Variants in NEK11 observed in about 807,000 individuals in gnomAD.
NEK11 encodes the protein serine/threonine-protein kinase Nek11.
In NEK11, 72 loss-of-function variants were observed where a neutral mutation model predicts 80.7. That is an observed-to-expected ratio of 0.89 (90% CI 0.74 to 1.08). NEK11 has a LOEUF of 1.08. NEK11 is among the 50% of genes least tolerant of loss of function. The pLI is 0.00. For synonymous variants in NEK11, 251 were observed against 260.7 expected (o/e 0.96, Z 0.36); for missense variants, 764 against 763.6 (o/e 1.00, Z -0.01).
intron 14 of NEK11, among the ~76,000 whole-genome samples, chr3:131,195,692 A>G (rs545204591): frequency 1.4e-4 from 22 of 151,816 alleles, no homozygotes; most frequent in Admixed American, 3.3e-4. Context: ...GAGTTGTACC[A>G]TGAGTTGATG....
rs139619750 is a variant in NEK11 at position 131,108,822 on chromosome 3, G to A, written c.337-981G>A. ...TTCCTTAGGGTTTTGCTATAGCTAC[G>A]TAGAGGAAAGGAGAATTCAGTCATC... On this transcript the variant is annotated intron_variant, in intron 4 of 17. Transcript: ENST00000383366. 2.3e-3 allele frequency among the ~76,000 whole-genome samples: 345 copies of A among 152,110 alleles called. 1 individual carries two copies. The highest frequency in any genetic ancestry group is 2.2e-3 in the Non-Finnish European group (151 of 67,960).
intron 3 of NEK11, among the ~76,000 whole-genome samples, chr3:131,036,685 C>T (rs1184580713): frequency 6.6e-6 from 1 of 152,178 alleles, no homozygotes; most frequent in African/African-American, 2.4e-5. Context: ...TGTTGAGCAT[C>T]AGAGTTGTCT....
intron 3 of NEK11, among the ~76,000 whole-genome samples, chr3:131,059,544 G>A (rs368544103): frequency 6.6e-6 from 1 of 152,148 alleles, no homozygotes; most frequent in African/African-American, 2.4e-5. Context: ...CCCTTTAAAT[G>A]TACAGATATG....
Position 131,239,152 on chromosome 3 carries a change from G to A in NEK11, c.1561-4284G>A, listed in dbSNP as rs558341775. On this transcript the variant is annotated intron_variant, in intron 15 of 17. Coordinates refer to ENST00000383366, the MANE Select transcript of NEK11 (RefSeq NM_024800.5). ...TGGGTCCAGAGTGACTCTGGGTGAGGAGGGAAGAGGAAGAGGGTTTTGCAT... is the reference window on the plus strand; with the variant it reads ...TGGGTCCAGAGTGACTCTGGGTGAGAAGGGAAGAGGAAGAGGGTTTTGCAT... Among the ~76,000 whole-genome samples, 3 of 152,108 alleles carry A rather than the reference G, an allele frequency of 2.0e-5. No individual in the cohort carries two copies. The South Asian group carries it at 6.2e-4, about 32-fold the overall frequency.
At chr3:131,071,612 T>G (rs879320427) in intron 3 of NEK11, among the ~76,000 whole-genome samples, 3 of 151,976 alleles carry the variant, frequency 2.0e-5, no homozygotes, top group Non-Finnish European at 4.4e-5. Flanking sequence ...TTAAAAAATT[T>G]TATATAAAAT....
intron 14 of NEK11, among the ~76,000 whole-genome samples, chr3:131,215,292 AG>A (rs995060364): frequency 1.1e-5 from 1 of 89,720 alleles, no homozygotes; most frequent in Non-Finnish European, 2.2e-5. Context: ...GGGAGGGGGA[AG>A]GGATAGCATT....
At chr3:131,264,090 T>G (rs1406874405) in intron 16 of NEK11, among the ~76,000 whole-genome samples, 3 of 152,248 alleles carry the variant, frequency 2.0e-5, no homozygotes, top group Non-Finnish European at 4.4e-5. Context: ...TTTGTTTAAG[T>G]TCTTTGTAGA....
intron 14 of NEK11, among the ~76,000 whole-genome samples, chr3:131,222,116 A>G (rs889621695): frequency 2.0e-5 from 3 of 152,176 alleles, no homozygotes. Context: ...TTTCAGAGCT[A>G]CAAGAAAGAT....
intron 15 of NEK11, among the ~76,000 whole-genome samples, chr3:131,231,709 T>A (rs563814176): frequency 6.6e-6 from 1 of 151,964 alleles, no homozygotes; most frequent in African/African-American, 2.4e-5. Flanking sequence ...ATTAGCAACA[T>A]ACAAATTACA....
At chr3:131,111,014 G>A (rs1397073630) in intron 5 of NEK11, among the ~76,000 whole-genome samples, 1 of 152,018 alleles carries the variant, frequency 6.6e-6, no homozygotes, top group East Asian at 1.9e-4. Context: ...TAAAACTTCT[G>A]TGTACATACA....
chr3:131,269,583 G>A (rs2096137898), intron 16 of NEK11, among the ~76,000 whole-genome samples: 1 of 152,202 alleles, frequency 6.6e-6, no homozygotes, highest in Non-Finnish European at 1.5e-5. Flanking sequence ...GTCCCAATGA[G>A]ATGAGCTTGG....
At chr3:131,039,859 G>A (rs1331700831) in intron 3 of NEK11, among the ~76,000 whole-genome samples, 7 of 152,206 alleles carry the variant, frequency 4.6e-5, no homozygotes, top group African/African-American at 1.7e-4. Context: ...CACTTTGAGT[G>A]ATGTGCATGA....
intron 17 of NEK11, among the ~76,000 whole-genome samples, chr3:131,331,257 A>G (rs192906931): frequency 1.3e-3 from 205 of 152,330 alleles, no homozygotes; most frequent in Middle Eastern, 3.4e-3. Context: ...AGAGATAGAA[A>G]CTAGCATTCA....
chr3:131,277,410 C>T (rs1381892918), intron 17 of NEK11, among the ~76,000 whole-genome samples: 2 of 152,206 alleles, frequency 1.3e-5, no homozygotes, highest in Non-Finnish European at 2.9e-5. Context: ...TCCTAAATTT[C>T]CCTACCACAT....
intron 17 of NEK11, among the ~76,000 whole-genome samples, chr3:131,294,945 T>C (rs1048815725): frequency 1.3e-5 from 2 of 152,172 alleles, no homozygotes; most frequent in Non-Finnish European, 2.9e-5. Flanking sequence ...CTCCAACCAA[T>C]TGCTTTTAAT....
chr3:131,165,938 G>C (rs1462867813), intron 12 of NEK11, among the ~76,000 whole-genome samples: 1 of 151,910 alleles, frequency 6.6e-6, no homozygotes, highest in Non-Finnish European at 1.5e-5. Flanking sequence ...TACCCATTTT[G>C]TTGTACATTG....
chr3:131,239,724 A>T (rs1236918882), intron 15 of NEK11, among the ~76,000 whole-genome samples: 2 of 152,180 alleles, frequency 1.3e-5, no homozygotes, highest in Non-Finnish European at 1.5e-5. Flanking sequence ...TCTCAAGAAC[A>T]TCTAAAGATA....
intron 3 of NEK11, among the ~76,000 whole-genome samples, chr3:131,048,262 C>A (rs1407685551): frequency 1.3e-5 from 2 of 152,194 alleles, no homozygotes; most frequent in East Asian, 3.9e-4. Context: ...GCCGCAGCTT[C>A]TGTGCTGTGT....
intron 10 of NEK11, among the ~76,000 whole-genome samples, chr3:131,159,781 A>G (rs755653581): frequency 6.6e-6 from 1 of 151,842 alleles, no homozygotes; most frequent in South Asian, 2.1e-4. Context: ...AAAAGAATGC[A>G]ATCTCAAGTA....
Sources: gnomAD v4.1 joint callset for allele counts (sites outside exome capture counted in the v4.1 genomes callset) on GRCh38, gnomAD v4.1.1 for gene constraint, MANE v1.5 for transcripts, NCBI Gene and HGNC (gene_info 2026-07-23, HGNC 2026-07-21) for gene names.